The following NR4A1 variants were observed in gnomAD, a reference collection of about 807,000 sequenced individuals.
The protein encoded by NR4A1 is nuclear receptor subfamily 4immunitygroup A member 1.
NR4A1 carries 24 observed loss-of-function variants against 47.5 expected under a neutral mutation model. The ratio of observed to expected loss-of-function variants is 0.50; its 90% CI spans 0.37 to 0.71. The LOEUF is 0.71. Among genes scored for constraint, NR4A1 ranks in the 30% least tolerant of loss-of-function variants. The pLI, the probability that NR4A1 is intolerant of heterozygous loss-of-function variation, is 0.00. For synonymous variants in NR4A1, 353 were observed against 345.7 expected (o/e 1.02, Z -0.24); for missense variants, 669 against 788.6 (o/e 0.85, Z 1.82).
upstream of NR4A1, among the ~76,000 whole-genome samples, chr12:52,048,075 AC>A (rs1174060628): frequency 6.6e-6 from 1 of 151,518 alleles, no homozygotes. Flanking sequence ...AATGGCATGA[AC>A]CTGGGAGGCG....
intron 1 of NR4A1, among the ~76,000 whole-genome samples, chr12:52,036,491 A>G (rs1180678629): frequency 6.6e-6 from 1 of 152,184 alleles, no homozygotes; most frequent in East Asian, 1.9e-4. Flanking sequence ...ATCTGATCAT[A>G]TCATGTTTTA....
At chr12:52,023,534 C>T (rs994761743) in intron 1 of NR4A1, among the ~76,000 whole-genome samples, 19 of 152,152 alleles carry the variant, frequency 1.2e-4, no homozygotes, top group African/African-American at 3.6e-4. Flanking sequence ...CCCGCCACAC[C>T]GGGACCTTCC....
rs1396802459 is a variant in NR4A1, at chr12:52,056,107, C to T, written c.954C>T (p.Arg318=). The part of the protein sequence containing the change: ...DCPVDKRRRN[R]CQFCRFQKCL... ...CTGTGGACAAGAGGCGGCGAAACCG[C>T]TGCCAGTTCTGCCGCTTCCAGAAGT... is the stretch of plus-strand genomic sequence containing the variant. The change falls in exon 3 of 7, where the codon CGC becomes CGT. Residue 318 remains arginine, a synonymous_variant. Coordinates refer to ENST00000394825, the MANE Select transcript of NR4A1 (RefSeq NM_173157.3). 17 of 1,612,096 alleles carry T rather than the reference C, an allele frequency of 1.1e-5. No individual in the cohort carries two copies. In the African/African-American group the frequency reaches 1.6e-4, roughly 15 times the overall value.
upstream of NR4A1, chr12:52,051,366 G>T (rs1248018397): frequency 9.1e-6 from 9 of 985,120 alleles, no homozygotes; most frequent in Non-Finnish European, 1.1e-5. Flanking sequence ...CTCGACGGGC[G>T]GCCTGCGTCA....
intron 1 of NR4A1, chr12:52,037,557 C>G: frequency 3.1e-6 from 3 of 976,204 alleles, no homozygotes; most frequent in Non-Finnish European, 3.6e-6. Context: ...CGCTTGGAAA[C>G]TGGGGAGTCG....
chr12:52,046,662 T>TTCTCAATAAATTACATCTGCATCTGGA (rs1938654533), upstream of NR4A1, among the ~76,000 whole-genome samples: 1 of 152,182 alleles, frequency 6.6e-6, no homozygotes, highest in African/African-American at 2.4e-5. Flanking sequence ...AAGAAATACG[T>TTCTCAATAAATTACATCTGCATCTGGA]TCCTCTCATT....
rs140430231 is a variant in NR4A1, at chr12:52,056,139, C to T, written c.986C>T (p.Ala329Val). The change falls in exon 3 of 7, where the codon GCG (alanine) becomes GTG (valine). Residue 329 changes from alanine to valine, a missense_variant. Ala to Val is a moderately conservative substitution (Grantham distance 64). Coordinates refer to ENST00000394825, the MANE Select transcript of NR4A1 (RefSeq NM_173157.3). ...TTCTGCCGCTTCCAGAAGTGCCTGG[C>T]GGTGGGCATGGTGAAGGAAGGTGTG... ...CQFCRFQKCLAVGMVKEVVRT... is the reference protein window; with the variant it reads ...CQFCRFQKCLVVGMVKEVVRT... 77 of 1,608,642 alleles carry T rather than the reference C, an allele frequency of 4.8e-5. No individual in the cohort carries two copies. Among genetic ancestry groups the T allele is most frequent in the South Asian group, 3.8e-4 (34 of 90,114 alleles).
At chr12:52,056,312 C>CT in intron 3 of NR4A1, 153 bp downstream of exon 3, 1 of 1,359,010 alleles carries the variant, frequency 7.4e-7, no homozygotes, top group Non-Finnish European at 9.9e-7. Flanking sequence ...GGGAGGCAGC[C>CT]TACACCTGCC....
At chr12:52,048,397 A>C (rs372770106), upstream of NR4A1, among the ~76,000 whole-genome samples, 10 of 152,108 alleles carry the variant, frequency 6.6e-5, no homozygotes, top group East Asian at 1.9e-3. Flanking sequence ...GATCAAGACC[A>C]TCCTGGCTAA....
intron 1 of NR4A1, among the ~76,000 whole-genome samples, chr12:52,031,860 A>G (rs1433153295): frequency 6.7e-6 from 1 of 148,792 alleles, no homozygotes; most frequent in Non-Finnish European, 1.5e-5. Flanking sequence ...GCTCACTGCA[A>G]CCTTCGGCTC....
intron 1 of NR4A1, among the ~76,000 whole-genome samples, chr12:52,031,122 T>G (rs1938117036): frequency 6.6e-6 from 1 of 152,082 alleles, no homozygotes; most frequent in Admixed American, 6.6e-5. Flanking sequence ...CTCAAGTGAT[T>G]CTCTCACCTC....
At position 52,034,416 on chromosome 12, in the gene NR4A1, G is replaced by A. The variant is rs933618439; in HGVS notation, c.-83-7394G>A. 4.6e-5 allele frequency among the ~76,000 whole-genome samples: 7 copies of A among 152,220 alleles called. No homozygotes were observed. In the South Asian group the frequency reaches 6.2e-4, roughly 13 times the overall value. ...CCTCTAGGAACCTCCCACAATGTGG[G>A]GCGTCACTGGCCATGGTGGCCTGTC... On this transcript the variant is annotated intron_variant, in intron 1 of 7. Coordinates refer to the NR4A1 transcript ENST00000360284.
At position 52,058,850 on chromosome 12, in the gene NR4A1, A is replaced by AG. The variant is rs771953181; in HGVS notation, c.1706dup (p.Leu570ProfsTer20). On this transcript the variant is annotated frameshift_variant, in exon 7 of 7. Transcript: ENST00000394825. LOFTEE classifies it high-confidence loss of function. ...CCCGAGCTGCGGACCCTGTGCACCC[A>AG]GGGCCTGCAGCGCATCTTCTACCTC... The AG allele has an allele frequency of 1.4e-5, 22 of 1,614,086 alleles. No individual in the cohort carries two copies. Among genetic ancestry groups the AG allele is most frequent in the Non-Finnish European group, 1.9e-5 (22 of 1,179,966 alleles).
intron 1 of NR4A1, among the ~76,000 whole-genome samples, chr12:52,039,393 G>C (rs1322784224): frequency 1.3e-5 from 2 of 152,196 alleles, no homozygotes; most frequent in Non-Finnish European, 2.9e-5. Context: ...TAAAATACTT[G>C]CTAGGAAGGA....
At chr12:52,039,925 G>A (rs112266257) in intron 1 of NR4A1, among the ~76,000 whole-genome samples, 20 of 152,326 alleles carry the variant, frequency 1.3e-4, no homozygotes, top group African/African-American at 3.4e-4. Flanking sequence ...GAAGGCCCAC[G>A]TGATGGGACC....
At chr12:52,041,705 A>G (rs1270514625) in intron 1 of NR4A1, 2 of 1,188,558 alleles carry the variant, frequency 1.7e-6, no homozygotes, top group East Asian at 3.1e-5. Context: ...CTTGTGGCCT[A>G]GGTCCTGCCA....
chr12:52,036,698 C>T (rs879878905), intron 1 of NR4A1, among the ~76,000 whole-genome samples: 12 of 152,258 alleles, frequency 7.9e-5, no homozygotes, highest in Admixed American at 6.5e-4. Context: ...TGCCCTGCTA[C>T]CTGGGTTCCT....
At chr12:52,052,213 C>A (rs975450312) in intron 1 of NR4A1, among the ~76,000 whole-genome samples, 46 of 147,764 alleles carry the variant, frequency 3.1e-4, no homozygotes, top group African/African-American at 1.1e-3. Flanking sequence ...TTCTTGGGGT[C>A]GGGGCAGGGT....
upstream of NR4A1, among the ~76,000 whole-genome samples, chr12:52,047,868 G>A (rs548080986): frequency 6.6e-6 from 1 of 152,378 alleles, no homozygotes; most frequent in Non-Finnish European, 1.5e-5. Context: ...GAGCTAGCAA[G>A]GCTGGGCCGA....
Sources: gnomAD v4.1 joint callset for allele counts (sites outside exome capture counted in the v4.1 genomes callset) on GRCh38, gnomAD v4.1.1 for gene constraint, MANE v1.5 for transcripts, NCBI Gene and HGNC (gene_info 2026-07-23, HGNC 2026-07-21) for gene names.